The following SLC1A4 variants were observed in gnomAD, a reference collection of about 807,000 sequenced individuals.
SLC1A4 encodes neutral amino acid transporter A.
In SLC1A4, 19 loss-of-function variants were observed where a neutral mutation model predicts 37.7. The ratio of observed to expected loss-of-function variants is 0.50; its 90% CI spans 0.35 to 0.74. The LOEUF (loss-of-function observed/expected upper bound fraction) is 0.74. SLC1A4 is among the 30% of genes least tolerant of loss of function. The pLI, the probability that SLC1A4 is intolerant of heterozygous loss-of-function variation, is 0.01. For synonymous variants in SLC1A4, 299 were observed against 309.8 expected, an observed-to-expected ratio of 0.97 and a Z score of 0.37; for missense variants, 570 against 712.9, an observed-to-expected ratio of 0.80 and a Z score of 2.28.
At position 65,021,830 on chromosome 2, in the gene SLC1A4, T is replaced by C. The variant is rs1674439487; in HGVS notation, c.*684T>C. 6.5e-6 allele frequency: 1 copy of C among 152,774 alleles called. No individual in the cohort carries two copies. The highest frequency in any genetic ancestry group is 2.4e-5 in the African/African-American group (1 of 41,458). The allele number at this position is 152,774 out of a possible 1,614,324, so 9.5% of individuals were successfully genotyped here. On this transcript the variant is annotated 3_prime_UTR_variant, in exon 8 of 8. Coordinates refer to ENST00000234256, the MANE Select transcript of SLC1A4 (RefSeq NM_003038.5). ...AGGTCAAAGAAAAAAGGAGAGGGAA[T>C]GCAGCCTTGTGGGGGAGAAGCGGGG...
intron 4 of SLC1A4, among the ~76,000 whole-genome samples, chr2:65,013,692 G>A (rs1219951377): frequency 6.6e-6 from 1 of 152,170 alleles, no homozygotes; most frequent in Non-Finnish European, 1.5e-5. Context: ...AGTTTAAAAT[G>A]CCTTAACTAG....
intron 5 of SLC1A4, 83 bp from the exon 6 acceptor site, chr2:65,017,983 TTGCTC>T: frequency 9.1e-7 from 1 of 1,094,756 alleles, no homozygotes; most frequent in Non-Finnish European, 1.3e-6. Flanking sequence ...ATGGTGCTAA[TTGCTC>T]TGTTCTGGGG....
At chr2:64,990,725 A>G (rs565707160) in intron 1 of SLC1A4, among the ~76,000 whole-genome samples, 2 of 152,134 alleles carry the variant, frequency 1.3e-5, no homozygotes, top group Non-Finnish European at 2.9e-5. Context: ...AGTGAGACAT[A>G]TTGCCCAGAA....
chr2:64,990,183 A>T lies in SLC1A4; in HGVS notation c.527+13A>T. 4 of 1,571,740 alleles carry T rather than the reference A, an allele frequency of 2.5e-6. No individual in the cohort carries two copies. Among genetic ancestry groups the T allele is most frequent in the Non-Finnish European group, 3.5e-6 (4 of 1,157,240 alleles). ...TCGACCTGGCCAGGTAACACTCTCCACCTCTCCCAGGGCCCAGTGGGAGAC... is the reference window on the plus strand; with the variant it reads ...TCGACCTGGCCAGGTAACACTCTCCTCCTCTCCCAGGGCCCAGTGGGAGAC... On this transcript the variant is annotated intron_variant, in intron 1 of 7. Transcript: ENST00000234256.
chr2:65,000,264 C>T (rs1230889354), intron 1 of SLC1A4: 6 of 152,200 alleles, frequency 3.9e-5, no homozygotes, highest in Admixed American at 2.6e-4. Flanking sequence ...TTTGCATGAA[C>T]AGATTTTGGG....
Position 65,021,413 on chromosome 2 carries a change from A to C in SLC1A4, c.*267A>C. On this transcript the variant is annotated 3_prime_UTR_variant, in exon 8 of 8. Transcript: ENST00000234256. The stretch of plus-strand genomic sequence containing the variant: ...TACACCAGGGATCTGTTTGGAAACA[A>C]CCCCTTGAGCTGCCAGGCTCAAGAA... 2 of 463,548 alleles carry C rather than the reference A, an allele frequency of 4.3e-6. No individual in the cohort carries two copies. The highest frequency in any genetic ancestry group is 2.0e-5 in the African/African-American group (1 of 51,216). 28.7% of individuals were successfully genotyped at this position (463,548 alleles called of 1,614,324 possible). A position where few individuals can be genotyped will look rare whatever the true frequency, so the allele number is the denominator to read the frequency against.
Position 65,018,042 on chromosome 2 carries a change from G to T in SLC1A4, c.1035-29G>T. On this transcript the variant is annotated intron_variant, in intron 5 of 7. Coordinates refer to ENST00000234256, the MANE Select transcript of SLC1A4 (RefSeq NM_003038.5). The surrounding 1 kb of genome is among the most constrained non-coding windows in gnomAD (Gnocchi z 4.3). ...TTAGCCTGCCTCGGACTGTTGTCATGTCTGGCGGTTTGTTTTTCCCATTTC... is the reference window on the plus strand; with the variant it reads ...TTAGCCTGCCTCGGACTGTTGTCATTTCTGGCGGTTTGTTTTTCCCATTTC... 1.9e-6 allele frequency: 3 copies of T among 1,604,338 alleles called. No homozygotes were observed. The highest frequency in any genetic ancestry group is 2.6e-6 in the Non-Finnish European group (3 of 1,172,708).
chr2:65,009,684 G>C (rs556037904), intron 3 of SLC1A4, among the ~76,000 whole-genome samples: 2 of 152,220 alleles, frequency 1.3e-5, no homozygotes, highest in Admixed American at 6.5e-5. Context: ...TGTGTTGGTG[G>C]GATAAAATGT....
At chr2:64,994,449 G>C (rs1269977092) in intron 1 of SLC1A4, among the ~76,000 whole-genome samples, 1 of 152,252 alleles carries the variant, frequency 6.6e-6, no homozygotes, top group Non-Finnish European at 1.5e-5. Context: ...AAGAATGGCC[G>C]AGGGCCACCA....
At chr2:65,012,172 C>A (rs1673949047) in intron 4 of SLC1A4, among the ~76,000 whole-genome samples, 2 of 151,744 alleles carry the variant, frequency 1.3e-5, no homozygotes, top group Admixed American at 1.3e-4. Flanking sequence ...TCACTGCAAG[C>A]TCCACCTCCC....
At chr2:64,994,390 G>A (rs139162675) in intron 1 of SLC1A4, among the ~76,000 whole-genome samples, 1 of 152,368 alleles carries the variant, frequency 6.6e-6, no homozygotes, top group East Asian at 1.9e-4. Context: ...CAAGGAGGCA[G>A]GTAGGGACAG....
chr2:65,018,114 A>G lies in SLC1A4; in HGVS notation c.1078A>G (p.Asn360Asp), dbSNP rs779427122. 1.2e-6 allele frequency: 2 copies of G among 1,614,162 alleles called. No individual in the cohort carries two copies. Among genetic ancestry groups the G allele is most frequent in the Non-Finnish European group, 1.7e-6 (2 of 1,180,032 alleles). Residue 360 changes from asparagine (N) to aspartate (D), a missense_variant, in exon 6 of 8, where the codon AAT becomes GAT. Physicochemically the swap from Asn to Asp is conservative, Grantham distance 23 (BLOSUM62 1). Coordinates refer to ENST00000234256, the MANE Select transcript of SLC1A4 (RefSeq NM_003038.5). The surrounding 1 kb of genome is among the most constrained non-coding windows in gnomAD (Gnocchi z 4.3). ...TATGATGAAGTGCATTGAAGAGAAC[A>G]ATGGTGTGGACAAGAGGATCAGCAG... ...PSMMKCIEEN[N>D]GVDKRISRFI...
intron 4 of SLC1A4, among the ~76,000 whole-genome samples, chr2:65,015,939 A>T (rs1240807776): frequency 6.6e-6 from 1 of 152,168 alleles, no homozygotes; most frequent in Admixed American, 6.5e-5. Context: ...ACTTTTTCCC[A>T]CGGAATCATG....
chr2:65,006,816 TGTAGTACCAGCTACTTG>T (rs1280182378), intron 3 of SLC1A4, among the ~76,000 whole-genome samples: 1 of 152,166 alleles, frequency 6.6e-6, no homozygotes, highest in Non-Finnish European at 1.5e-5. Context: ...GGCGTGTGCC[TGTAGTACCAGCTACTTG>T]GGAGGCTGAA....
At chr2:65,011,900 C>T (rs1334847528) in intron 4 of SLC1A4, among the ~76,000 whole-genome samples, 1 of 151,930 alleles carries the variant, frequency 6.6e-6, no homozygotes, top group East Asian at 1.9e-4. Flanking sequence ...TCCCGAGTAG[C>T]TGGGATTACA....
chr2:65,000,912 A>G (rs542363700), intron 1 of SLC1A4: 1 of 152,604 alleles, frequency 6.6e-6, no homozygotes, highest in South Asian at 2.1e-4. Context: ...ATTTTGCAAC[A>G]ACAAAAACGC....
Position 65,017,423 on chromosome 2 carries a change from A to T in SLC1A4, c.1035-648A>T, listed in dbSNP as rs570149945. On this transcript the variant is annotated intron_variant, in intron 5 of 7. Transcript: ENST00000234256. ...GACGGCAGCACGTCGTTTCATTCAC[A>T]CATTTAGTTTTGCCTCTACTGCTCA... is the stretch of plus-strand genomic sequence containing the variant. Among the ~76,000 whole-genome samples, 266 of 152,022 alleles carry T rather than the reference A, an allele frequency of 1.7e-3. 1 individual carries two copies. The highest frequency in any genetic ancestry group is 6.4e-3 in the African/African-American group (264 of 41,426).
At chr2:65,007,196 A>C (rs556395948) in intron 3 of SLC1A4, among the ~76,000 whole-genome samples, 2 of 152,170 alleles carry the variant, frequency 1.3e-5, no homozygotes, top group Non-Finnish European at 2.9e-5. Context: ...TCATGTAATA[A>C]ATAAGTATAT....
In SLC1A4 at chr2:65,018,641, T is replaced by G. The variant is rs766684335; in HGVS notation, c.1326T>G (p.Thr442=). The change falls in exon 7 of 8, where the codon ACT becomes ACG. Residue 442 remains threonine, a synonymous_variant. Coordinates refer to ENST00000234256, the MANE Select transcript of SLC1A4 (RefSeq NM_003038.5). The surrounding 1 kb of genome is among the most constrained non-coding windows in gnomAD (Gnocchi z 4.3). The part of the protein sequence containing the change: ...AIILEAIGLP[T]HDLPLILAVD... ...TCCTGGAGGCCATTGGGCTGCCTAC[T>G]CATGACCTGCCTCTGATCCTGGCTG... The G allele has an allele frequency of 6.2e-7, 1 of 1,614,206 alleles. No individual in the cohort carries two copies. Among genetic ancestry groups the G allele is most frequent in the South Asian group, 1.1e-5 (1 of 91,086 alleles).
Sources: gnomAD v4.1 joint callset for allele counts (sites outside exome capture counted in the v4.1 genomes callset) on GRCh38, gnomAD v4.1.1 for gene constraint, Gnocchi (gnomAD v3.1) non-coding constraint, MANE v1.5 for transcripts, NCBI Gene and HGNC (gene_info 2026-07-23, HGNC 2026-07-21) for gene names.